The following ZNF467 variants were observed in gnomAD, a reference collection of about 807,000 sequenced individuals.
ZNF467 encodes zinc finger protein EZI.
ZNF467 carries 51 observed loss-of-function variants against 47.8 expected under a neutral mutation model. That is an observed-to-expected ratio of 1.07 (90% confidence interval 0.85 to 1.35). The LOEUF (loss-of-function observed/expected upper bound fraction) is 1.35. Ranked by LOEUF, ZNF467 falls within the 40% of genes most tolerant of loss-of-function variation. ZNF467 has a pLI of 0.00. For missense variants in ZNF467, 992 were observed against 858.1 expected, an observed-to-expected ratio of 1.16 and a Z score of -1.95; for synonymous variants, 416 against 372.9, an observed-to-expected ratio of 1.12 and a Z score of -1.33.
rs144795453 is a variant in ZNF467 at position 149,765,839 on chromosome 7, G to T, written c.663C>A (p.Cys221Ter). ...GGGCCTTCTTGCTGAAGCGCTTGTC[G>T]CACTCGGAGCACGGGAAAGGCCGCT... ...RGERPFPCSE[C>*]DKRFSKKAHL... is the part of the protein sequence containing the mutation. The change falls in exon 5 of 5, where the codon TGC becomes TGA. Residue 221 changes from cysteine (C) to a stop codon, truncating the protein, a stop_gained. Coordinates refer to ENST00000302017, the MANE Select transcript of ZNF467 (RefSeq NM_207336.3). LOFTEE classifies it high-confidence loss of function. 663 of 1,607,582 alleles carry T rather than the reference G, an allele frequency of 4.1e-4. 2 individuals are homozygous for T. Among genetic ancestry groups the T allele is most frequent in the Admixed American group, 3.7e-4 (22 of 59,342 alleles).
At position 149,765,544 on chromosome 7, in the gene ZNF467, T is replaced by C. The variant is rs762988907; in HGVS notation, c.958A>G (p.Arg320Gly). 1.9e-6 allele frequency: 3 copies of C among 1,581,814 alleles called. No homozygotes were observed. Among genetic ancestry groups the C allele is most frequent in the Non-Finnish European group, 2.6e-6 (3 of 1,164,090 alleles). The change falls in exon 5 of 5, where the codon AGG (arginine) becomes GGG (glycine). Residue 320 changes from arginine to glycine, a missense_variant. Physicochemically the swap from Arg to Gly is moderately radical, Grantham distance 125. Transcript: ENST00000302017. ...THKQHLVRHQ[R>G]VHQTAGPARP... ...GCCGGGCCGGCCGTCTGGTGCACCC[T>C]TTGGTGCCGCACCAAGTGCTGCTTG...
chr7:149,775,200 G>A (rs1432835466), upstream of ZNF467, among the ~76,000 whole-genome samples: 4 of 152,204 alleles, frequency 2.6e-5, no homozygotes, highest in African/African-American at 7.2e-5. Flanking sequence ...CCCAGTTCTA[G>A]ACCCCAGAGA....
In ZNF467 at chr7:149,766,302, A is replaced by G. The variant is rs1799219514; in HGVS notation, c.263-63T>C. On this transcript the variant is annotated intron_variant, in intron 4 of 4. Coordinates refer to ENST00000302017, the MANE Select transcript of ZNF467 (RefSeq NM_207336.3). ...CGTGCGGCAACGTCTATTTAACCAC[A>G]GGATCTCCACTTCCTGGAGCCCCGC... is the stretch of plus-strand genomic sequence containing the variant. The G allele has an allele frequency of 5.3e-6, 8 of 1,507,032 alleles. No individual in the cohort carries two copies. The South Asian group carries it at 9.4e-5, about 18-fold the overall frequency. The allele number at this position is 1,507,032 out of a possible 1,614,324, so 93.4% of individuals were successfully genotyped here.
chr7:149,769,254 G>T lies in ZNF467; in HGVS notation c.152-54C>A. On this transcript the variant is annotated intron_variant, in intron 3 of 4. Coordinates refer to ENST00000302017, the MANE Select transcript of ZNF467 (RefSeq NM_207336.3). This position sits in a 1 kb window ranked among gnomAD's most constrained non-coding sequence, Gnocchi z 5.3. Reference sequence around the variant, plus strand: ...TCTGGAGACATCACAGATGGCCAAAGGGCCCCACTGGTGCTGGGAAGCAGG... The same window carrying T: ...TCTGGAGACATCACAGATGGCCAAATGGCCCCACTGGTGCTGGGAAGCAGG... 6.9e-7 allele frequency: 1 copy of T among 1,454,744 alleles called. No homozygotes were observed. The allele number at this position is 1,454,744 out of a possible 1,614,324, so 90.1% of individuals were successfully genotyped here.
intron 1 of ZNF467, among the ~76,000 whole-genome samples, chr7:149,771,865 C>G: frequency 6.6e-6 from 1 of 150,754 alleles, no homozygotes; most frequent in South Asian, 2.1e-4. Flanking sequence ...TCCGCCCGCC[C>G]GAGCCCGGCA....
Position 149,769,051 on chromosome 7 carries a change from C to A in ZNF467, c.262+39G>T. On this transcript the variant is annotated intron_variant, in intron 4 of 4. Coordinates refer to ENST00000302017, the MANE Select transcript of ZNF467 (RefSeq NM_207336.3). The surrounding 1 kb of genome is among the most constrained non-coding windows in gnomAD (Gnocchi z 5.3). Reference sequence around the variant, plus strand: ...AGCTTGCTGGGCCCCGTTCCCTTGGCCTGAGCCCGTGGTGGGATGAAGTGA... The same window carrying A: ...AGCTTGCTGGGCCCCGTTCCCTTGGACTGAGCCCGTGGTGGGATGAAGTGA... 1 of 1,505,250 alleles carries A rather than the reference C, an allele frequency of 6.6e-7. No homozygotes were observed. Among genetic ancestry groups the A allele is most frequent in the Non-Finnish European group, 8.9e-7 (1 of 1,121,530 alleles). The allele number at this position is 1,505,250 out of a possible 1,614,324, so 93.2% of individuals were successfully genotyped here.
chr7:149,769,201 C>T lies in ZNF467; in HGVS notation c.152-1G>A, dbSNP rs759548652. The stretch of plus-strand genomic sequence containing the variant: ...TCCTCCGGTGTAGGGGCCTCGTGCC[C>T]TGGCAGAGAATAGGATACCTCAAGG... On this transcript the variant is annotated splice_acceptor_variant, in intron 3 of 4. Coordinates refer to ENST00000302017, the MANE Select transcript of ZNF467 (RefSeq NM_207336.3). LOFTEE classifies it high-confidence loss of function. The surrounding 1 kb of genome is among the most constrained non-coding windows in gnomAD (Gnocchi z 5.3). 5.3e-5 allele frequency: 83 copies of T among 1,552,740 alleles called. No homozygotes were observed. The highest frequency in any genetic ancestry group is 6.3e-5 in the Non-Finnish European group (72 of 1,147,738).
intron 1 of ZNF467, among the ~76,000 whole-genome samples, chr7:149,771,950 G>C (rs2117466982): frequency 7.1e-6 from 1 of 140,824 alleles, no homozygotes; most frequent in South Asian, 2.3e-4. Context: ...GCTCCGGGCC[G>C]CCTCGGCGGC....
Position 149,764,937 on chromosome 7 carries a change from C to A in ZNF467, c.1565G>T (p.Arg522Leu). 1 of 1,576,306 alleles carries A rather than the reference C, an allele frequency of 6.3e-7. No individual in the cohort carries two copies. Among genetic ancestry groups the A allele is most frequent in the South Asian group, 1.1e-5 (1 of 88,662 alleles). The change falls in exon 5 of 5, where the codon CGC becomes CTC. Residue 522 changes from arginine to leucine, a missense_variant. Arg to Leu is a moderately radical substitution (Grantham distance 102). Coordinates refer to ENST00000302017, the MANE Select transcript of ZNF467 (RefSeq NM_207336.3). ...TAGGTTGGTTTTGGAGCTGAAGCTG[C>A]GGGCGCAGACGGCGCAGGCGTGGGG... ...SRPHACAVCA[R>L]SFSSKTNLVR...
chr7:149,770,963 G>A, intron 2 of ZNF467, 36 bp downstream of exon 2: 1 of 1,613,946 alleles, frequency 6.2e-7, no homozygotes, highest in South Asian at 1.1e-5. Context: ...ATCCTCCTAA[G>A]CTTTTCCCCA....
chr7:149,765,521 C>A lies in ZNF467; in HGVS notation c.981G>T (p.Pro327=). The A allele has an allele frequency of 6.3e-7, 1 of 1,578,242 alleles. No homozygotes were observed. The highest frequency in any genetic ancestry group is 8.6e-7 in the Non-Finnish European group (1 of 1,162,440). ...CGGACGAGTCGGGAGAGGGCCTGGC[C>A]GGGCCGGCCGTCTGGTGCACCCTTT... ...RHQRVHQTAG[P]ARPSPDSSAS... is the part of the protein sequence containing the mutation. Residue 327 remains proline, a synonymous_variant, in exon 5 of 5, where the codon CCG becomes CCT. Coordinates refer to ENST00000302017, the MANE Select transcript of ZNF467 (RefSeq NM_207336.3).
Position 149,765,587 on chromosome 7 carries a change from G to A in ZNF467, c.915C>T (p.Cys305=), listed in dbSNP as rs1315197564. ...TGERPYQCAQ[C]ARSFTHKQHL... is the part of the protein sequence containing the mutation. ...GCTGCTTGTGCGTGAAGCTGCGTGC[G>A]CACTGTGCGCACTGGTAGGGCCTCT... The change falls in exon 5 of 5, where the codon TGC becomes TGT. Residue 305 remains cysteine, a synonymous_variant. Coordinates refer to ENST00000302017, the MANE Select transcript of ZNF467 (RefSeq NM_207336.3). The A allele has an allele frequency of 1.3e-6, 2 of 1,596,892 alleles. No homozygotes were observed. The highest frequency in any genetic ancestry group is 1.8e-5 in the Admixed American group (1 of 57,084).
intron 4 of ZNF467, 81 bp from the exon 5 acceptor site, chr7:149,766,320 A>G: frequency 6.7e-7 from 1 of 1,499,866 alleles, no homozygotes; most frequent in Non-Finnish European, 8.9e-7. Flanking sequence ...CACTTCCTGG[A>G]GCCCCGCGGT....
At chr7:149,774,551 A>G (rs145227564), upstream of ZNF467, among the ~76,000 whole-genome samples, 16 of 152,280 alleles carry the variant, frequency 1.1e-4, no homozygotes, top group Admixed American at 2.0e-4. This position sits in a 1 kb window ranked among gnomAD's most constrained non-coding sequence, Gnocchi z 5.7. Context: ...CACCACAAGG[A>G]TGAGTGCCTG....
intron 4 of ZNF467, 89 bp from the exon 5 acceptor site, chr7:149,766,328 G>A: frequency 2.7e-6 from 4 of 1,493,452 alleles, no homozygotes; most frequent in Non-Finnish European, 3.6e-6. Flanking sequence ...GGAGCCCCGC[G>A]GTCTGGCTCT....
Position 149,765,150 on chromosome 7 carries a change from C to T in ZNF467, c.1352G>A (p.Arg451His). Residue 451 changes from arginine to histidine, a missense_variant, in exon 5 of 5, where the codon CGC becomes CAC. By Grantham distance (29) the Arg-to-His change is conservative. Coordinates refer to ENST00000302017, the MANE Select transcript of ZNF467 (RefSeq NM_207336.3). ...SHGQHLARHP[R>H]VHTGERPFAC... ...GAAGGGCCGTTCGCCCGTGTGCACG[C>T]GCGGGTGCCGCGCCAGGTGCTGCCC... The T allele has an allele frequency of 2.7e-6, 4 of 1,493,214 alleles. No homozygotes were observed. Among genetic ancestry groups the T allele is most frequent in the Non-Finnish European group, 3.6e-6 (4 of 1,125,972 alleles). The allele number at this position is 1,493,214 out of a possible 1,614,324, so 92.5% of individuals were successfully genotyped here.
chr7:149,771,754 T>A (rs1339061803), intron 1 of ZNF467, among the ~76,000 whole-genome samples: 3 of 58,830 alleles, frequency 5.1e-5, no homozygotes, highest in Non-Finnish European at 9.7e-5. Context: ...CCCGGCAGCC[T>A]TCCCTCTGCC....
chr7:149,772,677 G>A (rs1799461846), intron 1 of ZNF467, among the ~76,000 whole-genome samples: 1 of 141,204 alleles, frequency 7.1e-6, no homozygotes, highest in African/African-American at 2.7e-5. Flanking sequence ...TCCAGGTCCC[G>A]GCCCCCTCCC....
rs1204360327 is a variant in ZNF467, at chr7:149,769,150, C to T, written c.202G>A (p.Ala68Thr). ...EEGAHTEQAE[A>T]PCRGQACSAQ... The stretch of plus-strand genomic sequence containing the variant: ...GAGCACGCCTGGCCTCTGCAGGGAG[C>T]CTCGGCTTGTTCTGTGTGGGCACCT... The change falls in exon 4 of 5, where the codon GCT becomes ACT. Residue 68 changes from alanine to threonine, a missense_variant. Ala to Thr is a moderately conservative substitution (Grantham distance 58). Transcript: ENST00000302017. This position sits in a 1 kb window ranked among gnomAD's most constrained non-coding sequence, Gnocchi z 5.3. 1 of 1,563,066 alleles carries T rather than the reference C, an allele frequency of 6.4e-7. No homozygotes were observed. The highest frequency in any genetic ancestry group is 1.2e-5 in the South Asian group (1 of 85,016).
Sources: gnomAD v4.1 joint callset for allele counts (sites outside exome capture counted in the v4.1 genomes callset) on GRCh38, gnomAD v4.1.1 for gene constraint, Gnocchi (gnomAD v3.1) non-coding constraint, MANE v1.5 for transcripts, NCBI Gene and HGNC (gene_info 2026-07-23, HGNC 2026-07-21) for gene names.